The following GREM1 variants were observed in gnomAD, a reference collection of about 807,000 sequenced individuals.
GREM1 encodes gremlin 1, DAN family BMP antagonist.
GREM1 carries 6 observed loss-of-function variants against 13.1 expected under a neutral mutation model. The observed-to-expected ratio is 0.46, with a 90% CI of 0.25 to 0.91. The LOEUF is 0.91. GREM1 is among the 40% of genes least tolerant of loss of function. GREM1 has a pLI of 0.18. For missense variants in GREM1, 185 were observed against 233.9 expected, an observed-to-expected ratio of 0.79 and a Z score of 1.36; for synonymous variants, 98 against 93.7, an observed-to-expected ratio of 1.05 and a Z score of -0.27.
Position 32,733,814 on chromosome 15 carries a change from A to G in GREM1, c.*2569A>G, listed in dbSNP as rs1021597921. 1 of 238,848 alleles carries G rather than the reference A, an allele frequency of 4.2e-6. No homozygotes were observed. Among genetic ancestry groups the G allele is most frequent in the African/African-American group, 2.2e-5 (1 of 44,880 alleles). The allele number at this position is 238,848 out of a possible 1,614,324, so 14.8% of individuals were successfully genotyped here. A position where few individuals can be genotyped will look rare whatever the true frequency, so the allele number is the denominator to read the frequency against. On this transcript the variant is annotated 3_prime_UTR_variant, in exon 2 of 2. Coordinates refer to ENST00000651154, the MANE Select transcript of GREM1 (RefSeq NM_013372.7). ...ATGCCAAACACCAAATATGAATTTT[A>G]TGATGTACACTTTGTGCTTGGCATT...
Position 32,741,043 on chromosome 15 carries a change from A to C in GREM1, c.*9798A>C, listed in dbSNP as rs953200516. On this transcript the variant is annotated 3_prime_UTR_variant, in exon 2 of 2. Transcript: ENST00000651154. ...ATAGGGGGAAAGTAGTTGAAAAAAAATAGTTGTAAGGAAAAGAGATACAAG... is the reference window on the plus strand; with the variant it reads ...ATAGGGGGAAAGTAGTTGAAAAAAACTAGTTGTAAGGAAAAGAGATACAAG... The C allele has an allele frequency of 6.6e-6, 1 of 152,208 alleles. No homozygotes were observed. The highest frequency in any genetic ancestry group is 1.5e-5 in the Non-Finnish European group (1 of 68,028). 9.4% of individuals were successfully genotyped at this position (152,208 alleles called of 1,614,324 possible).
At position 32,731,615 on chromosome 15, in the gene GREM1, A is replaced by C; in HGVS notation, c.*370A>C. 3.1e-6 allele frequency: 1 copy of C among 320,424 alleles called. No homozygotes were observed. Among genetic ancestry groups the C allele is most frequent in the Non-Finnish European group, 6.0e-6 (1 of 165,704 alleles). The allele number at this position is 320,424 out of a possible 1,614,324, so 19.8% of individuals were successfully genotyped here. A position where few individuals can be genotyped will look rare whatever the true frequency, so the allele number is the denominator to read the frequency against. On this transcript the variant is annotated 3_prime_UTR_variant, in exon 2 of 2. Transcript: ENST00000651154. ...GGGACCAGAATCTCCTTTCGGAATG[A>C]ATGTTCATGGAAGAGGCTCCTCTGA... is the stretch of plus-strand genomic sequence containing the variant.
At position 32,728,678 on chromosome 15, in the gene GREM1, T is replaced by C. The variant is rs28617440; in HGVS notation, c.-1-2012T>C. Among the ~76,000 whole-genome samples, 10,091 of 152,206 alleles carry C rather than the reference T, an allele frequency of 0.066. 421 individuals carry two copies. Among genetic ancestry groups the C allele is most frequent in the Non-Finnish European group, 0.1 (6,768 of 67,986 alleles). On this transcript the variant is annotated intron_variant, in intron 1 of 1. Transcript: ENST00000651154. ...AATAATGTTACTGTTAAGTTGCACT[T>C]AGTGGTTATTATGTGTAATACTGGT...
In GREM1 at chr15:32,735,143, A is replaced by C. The variant is rs1300709490; in HGVS notation, c.*3898A>C. 6.6e-6 allele frequency: 1 copy of C among 152,204 alleles called. No individual in the cohort carries two copies. The highest frequency in any genetic ancestry group is 2.4e-5 in the African/African-American group (1 of 41,452). The allele number at this position is 152,204 out of a possible 1,614,324, so 9.4% of individuals were successfully genotyped here. On this transcript the variant is annotated 3_prime_UTR_variant, in exon 2 of 2. Coordinates refer to ENST00000651154, the MANE Select transcript of GREM1 (RefSeq NM_013372.7). The stretch of plus-strand genomic sequence containing the variant: ...TTAAACCACAGGCTAGATATCATTT[A>C]ATAGGGATGTGAAGTAGAGTAAGTC...
rs933530010 is a variant in GREM1 at position 32,734,056 on chromosome 15, T to C, written c.*2811T>C. 7 of 242,922 alleles carry C rather than the reference T, an allele frequency of 2.9e-5. No homozygotes were observed. Among genetic ancestry groups the C allele is most frequent in the Non-Finnish European group, 6.1e-5 (7 of 115,008 alleles). The allele number at this position is 242,922 out of a possible 1,614,324, so 15.0% of individuals were successfully genotyped here. ...AAGCATGTTTTCTTTTTCTCCTTTATATGACTTTCTCTGAGTTGGGCAAAG... is the reference window on the plus strand; with the variant it reads ...AAGCATGTTTTCTTTTTCTCCTTTACATGACTTTCTCTGAGTTGGGCAAAG... On this transcript the variant is annotated 3_prime_UTR_variant, in exon 2 of 2. Coordinates refer to ENST00000651154, the MANE Select transcript of GREM1 (RefSeq NM_013372.7).
rs1331431096 is a variant in GREM1, at chr15:32,738,114, A to C, written c.*6869A>C. Reference sequence around the variant, plus strand: ...AAAAAAAAAAAAAAAAAAAAAAAAAAAAAAAAAAAAAAAAAAAAAGAAAAG... The same window carrying C: ...AAAAAAAAAAAAAAAAAAAAAAAAACAAAAAAAAAAAAAAAAAAAGAAAAG... On this transcript the variant is annotated 3_prime_UTR_variant, in exon 2 of 2. Transcript: ENST00000651154. 8 of 127,368 alleles carry C rather than the reference A, an allele frequency of 6.3e-5. No individual in the cohort carries two copies. Among genetic ancestry groups the C allele is most frequent in the East Asian group, 2.3e-4 (1 of 4,256 alleles). The allele number at this position is 127,368 out of a possible 1,614,324, so 7.9% of individuals were successfully genotyped here.
intron 1 of GREM1, among the ~76,000 whole-genome samples, chr15:32,726,745 G>A (rs1320784344): frequency 7.0e-6 from 1 of 143,200 alleles, no homozygotes; most frequent in Non-Finnish European, 1.5e-5. Context: ...TAATGAAATA[G>A]ACTGCTAGCC....
intron 1 of GREM1, 143 bp from the exon 2 acceptor site, chr15:32,730,547 A>G (rs2055597179): frequency 1.6e-6 from 1 of 620,944 alleles, no homozygotes. Flanking sequence ...TACCTAATTC[A>G]TACAGGTACT....
At position 32,732,685 on chromosome 15, in the gene GREM1, A is replaced by G. The variant is rs185189241; in HGVS notation, c.*1440A>G. ...CATCTGCTACTGGTTGGATGGACAT[A>G]ACTATTGTAACTATTCAGTATTTAC... On this transcript the variant is annotated 3_prime_UTR_variant, in exon 2 of 2. Transcript: ENST00000651154. 8 of 239,604 alleles carry G rather than the reference A, an allele frequency of 3.3e-5. No individual in the cohort carries two copies. The highest frequency in any genetic ancestry group is 6.2e-5 in the Non-Finnish European group (7 of 112,936). The allele number at this position is 239,604 out of a possible 1,614,324, so 14.8% of individuals were successfully genotyped here.
intron 1 of GREM1, among the ~76,000 whole-genome samples, chr15:32,720,200 A>G (rs1362543661): frequency 1.3e-5 from 2 of 152,062 alleles, no homozygotes; most frequent in East Asian, 3.8e-4. Flanking sequence ...TTTTTAGTGA[A>G]ATGTTTTGGT....
At chr15:32,724,460 T>C (rs2055462727) in intron 1 of GREM1, among the ~76,000 whole-genome samples, 1 of 152,234 alleles carries the variant, frequency 6.6e-6, no homozygotes, top group African/African-American at 2.4e-5. Flanking sequence ...AATTGTGTTT[T>C]ATTTTAGATC....
rs200775039 is a variant in GREM1, at chr15:32,738,122, A to C, written c.*6877A>C. Reference sequence around the variant, plus strand: ...AAAAAAAAAAAAAAAAAAAAAAAAAAAAAAAAAAAAAGAAAAGAAAAAAGT... The same window carrying C: ...AAAAAAAAAAAAAAAAAAAAAAAAACAAAAAAAAAAAGAAAAGAAAAAAGT... On this transcript the variant is annotated 3_prime_UTR_variant, in exon 2 of 2. Transcript: ENST00000651154. The C allele has an allele frequency of 9.3e-5, 6 of 64,400 alleles. No individual in the cohort carries two copies. The highest frequency in any genetic ancestry group is 3.3e-4 in the East Asian group (1 of 2,986). The allele number at this position is 64,400 out of a possible 1,614,324, so 4.0% of individuals were successfully genotyped here.
chr15:32,727,063 G>A (rs1472835747), intron 1 of GREM1, among the ~76,000 whole-genome samples: 4 of 152,112 alleles, frequency 2.6e-5, no homozygotes, highest in South Asian at 2.1e-4. Context: ...ATTCACAGCC[G>A]AAGTCTACCA....
At position 32,732,079 on chromosome 15, in the gene GREM1, G is replaced by A. The variant is rs925486765; in HGVS notation, c.*834G>A. The A allele has an allele frequency of 4.2e-6, 1 of 238,546 alleles. No homozygotes were observed. Among genetic ancestry groups the A allele is most frequent in the Non-Finnish European group, 8.9e-6 (1 of 112,228 alleles). 14.8% of individuals were successfully genotyped at this position (238,546 alleles called of 1,614,324 possible). On this transcript the variant is annotated 3_prime_UTR_variant, in exon 2 of 2. Transcript: ENST00000651154. The stretch of plus-strand genomic sequence containing the variant: ...GATTGCCAGAAAGTGATTAACTTTG[G>A]CCGTTGCAATCTGCTCAAACCTAAC...
At chr15:32,724,075 G>A (rs1392955428) in intron 1 of GREM1, among the ~76,000 whole-genome samples, 1 of 152,172 alleles carries the variant, frequency 6.6e-6, no homozygotes, top group African/African-American at 2.4e-5. Context: ...CACCTGCCTT[G>A]TGCCAGGCAC....
At position 32,741,328 on chromosome 15, in the gene GREM1, C is replaced by A. The variant is rs2140770084; in HGVS notation, c.*10083C>A. 6.6e-6 allele frequency: 1 copy of A among 151,920 alleles called. No homozygotes were observed. Among genetic ancestry groups the A allele is most frequent in the Non-Finnish European group, 1.5e-5 (1 of 67,922 alleles). 9.4% of individuals were successfully genotyped at this position (151,920 alleles called of 1,614,324 possible). On this transcript the variant is annotated 3_prime_UTR_variant, in exon 2 of 2. Transcript: ENST00000651154. ...AATCCTTTAGTAAACAGTATCTAAG[C>A]CTTGTTTTTATGATATTGGGGAACA...
At position 32,744,517 on chromosome 15, in the gene GREM1, G is replaced by T. The variant is rs1160305123; in HGVS notation, c.*13272G>T. On this transcript the variant is annotated 3_prime_UTR_variant, in exon 2 of 2. Coordinates refer to ENST00000651154, the MANE Select transcript of GREM1 (RefSeq NM_013372.7). ...GAACCCGGGAGACGGAGCTTGCAGT[G>T]AGCCGAGATCACGCCACTGCGCTCC... 6.7e-6 allele frequency: 1 copy of T among 148,988 alleles called. No individual in the cohort carries two copies. Among genetic ancestry groups the T allele is most frequent in the East Asian group, 2.0e-4 (1 of 5,088 alleles). 9.2% of individuals were successfully genotyped at this position (148,988 alleles called of 1,614,324 possible).
chr15:32,723,627 A>T (rs200564442), intron 1 of GREM1, among the ~76,000 whole-genome samples: 1 of 944 alleles, frequency 1.1e-3, no homozygotes, highest in East Asian at 0.25. Flanking sequence ...ACTTTTCTTT[A>T]AAAAAAAAAA....
chr15:32,724,567 T>C (rs900142514), intron 1 of GREM1, among the ~76,000 whole-genome samples: 5 of 152,310 alleles, frequency 3.3e-5, no homozygotes, highest in Admixed American at 1.3e-4. Context: ...TGCCACACTG[T>C]CTTATCCTAG....
Sources: allele counts gnomAD v4.1 joint callset (sites outside exome capture counted in the v4.1 genomes callset), GRCh38; gene constraint gnomAD v4.1.1; transcripts MANE v1.5; gene names NCBI Gene and HGNC (gene_info 2026-07-23, HGNC 2026-07-21).